Variants in LRMDA observed in about 807,000 individuals in gnomAD.
LRMDA encodes leucine rich melanocyte differentiation associated.
A neutral mutation model predicts 29.8 loss-of-function variants in LRMDA; 18 were observed. That is an observed-to-expected ratio of 0.60 (90% CI 0.42 to 0.90). The LOEUF (loss-of-function observed/expected upper bound fraction) is 0.90, where lower values mean the gene tolerates loss of function less well. Ranked by LOEUF, LRMDA falls within the 40% of genes least tolerant of loss-of-function variation. The pLI is 0.00. For missense variants in LRMDA, 273 were observed against 273.9 expected, an observed-to-expected ratio of 1.00 and a Z score of 0.02; for synonymous variants, 125 against 109.4, an observed-to-expected ratio of 1.14 and a Z score of -0.89.
intron 2 of LRMDA, among the ~76,000 whole-genome samples, chr10:75,961,995 C>T (rs983510431): frequency 3.3e-5 from 5 of 152,216 alleles, no homozygotes; most frequent in Middle Eastern, 3.4e-3. Flanking sequence ...GGCATCTCCC[C>T]GTGTGCATGT....
intron 2 of LRMDA, among the ~76,000 whole-genome samples, chr10:75,810,033 A>G (rs1411621610): frequency 6.6e-6 from 1 of 152,150 alleles, no homozygotes; most frequent in Admixed American, 6.5e-5. Flanking sequence ...GAGGAGTGAC[A>G]TTTGAGCTGA....
At chr10:76,178,790 T>A (rs372413802) in intron 5 of LRMDA, among the ~76,000 whole-genome samples, 1 of 152,240 alleles carries the variant, frequency 6.6e-6, no homozygotes, top group Non-Finnish European at 1.5e-5. Context: ...CGTATTCAAG[T>A]GGCAGCTTGT....
At chr10:75,590,209 G>C (rs1450221722) in intron 2 of LRMDA, among the ~76,000 whole-genome samples, 2 of 151,820 alleles carry the variant, frequency 1.3e-5, no homozygotes, top group Admixed American at 1.3e-4. Context: ...CTATAGGTGG[G>C]GGTCTCACTA....
At chr10:75,770,979 G>T (rs1440315256) in intron 2 of LRMDA, among the ~76,000 whole-genome samples, 3 of 152,194 alleles carry the variant, frequency 2.0e-5, no homozygotes, top group Non-Finnish European at 4.4e-5. Flanking sequence ...TGGGGCGAGT[G>T]TGTAGACGTG....
At chr10:75,795,550 T>C (rs2132256209) in intron 2 of LRMDA, among the ~76,000 whole-genome samples, 1 of 152,330 alleles carries the variant, frequency 6.6e-6, no homozygotes, top group East Asian at 1.9e-4. Flanking sequence ...GCCATGAATG[T>C]GTGGGTCTAT....
At chr10:76,188,714 G>A (rs764252765) in intron 5 of LRMDA, among the ~76,000 whole-genome samples, 6 of 152,264 alleles carry the variant, frequency 3.9e-5, no homozygotes, top group Non-Finnish European at 7.3e-5. Context: ...CTCTAGGGAG[G>A]ATGAGTGGAT....
chr10:75,482,558 A>G (rs140961935), intron 2 of LRMDA, among the ~76,000 whole-genome samples: 44 of 152,268 alleles, frequency 2.9e-4, no homozygotes, highest in African/African-American at 1.1e-3. Flanking sequence ...AGGTACGCCC[A>G]GGTCTGTTAC....
chr10:75,524,512 A>G (rs1053525921), intron 2 of LRMDA, among the ~76,000 whole-genome samples: 11 of 152,184 alleles, frequency 7.2e-5, no homozygotes, highest in South Asian at 2.1e-4. Context: ...CACCTAATAC[A>G]GTGCCTGGCA....
intron 2 of LRMDA, among the ~76,000 whole-genome samples, chr10:75,928,319 C>T (rs547201380): frequency 6.6e-6 from 1 of 150,858 alleles, no homozygotes; most frequent in South Asian, 2.1e-4. Flanking sequence ...AAGATTGCTA[C>T]AGTTATCTGG....
At chr10:75,561,824 C>T (rs1421220833) in intron 2 of LRMDA, among the ~76,000 whole-genome samples, 5 of 151,970 alleles carry the variant, frequency 3.3e-5, no homozygotes, top group African/African-American at 9.7e-5. Flanking sequence ...GTTCAGTTTC[C>T]ATGTAGTTGA....
At chr10:75,927,531 A>G (rs1256792695) in intron 2 of LRMDA, among the ~76,000 whole-genome samples, 7 of 152,144 alleles carry the variant, frequency 4.6e-5, no homozygotes, top group African/African-American at 1.4e-4. Flanking sequence ...CTTTCAACAG[A>G]ATCCAATTCC....
At chr10:76,393,802 T>C (rs913681131) in intron 6 of LRMDA, among the ~76,000 whole-genome samples, 9 of 152,184 alleles carry the variant, frequency 5.9e-5, no homozygotes, top group African/African-American at 2.2e-4. Context: ...AGGTCTTATG[T>C]TGAAGTCTTT....
At chr10:75,831,251 G>C (rs904561300) in intron 2 of LRMDA, among the ~76,000 whole-genome samples, 2 of 152,068 alleles carry the variant, frequency 1.3e-5, no homozygotes, top group African/African-American at 4.8e-5. Flanking sequence ...GTTTTACTGC[G>C]CTAACCAGGA....
chr10:76,159,142 A>G (rs1245666027), intron 5 of LRMDA, among the ~76,000 whole-genome samples: 1 of 152,206 alleles, frequency 6.6e-6, no homozygotes, highest in East Asian at 1.9e-4. Flanking sequence ...TTGGAAAAAT[A>G]TACCTTAAAG....
intron 2 of LRMDA, among the ~76,000 whole-genome samples, chr10:75,821,433 A>G (rs762132336): frequency 6.6e-6 from 1 of 152,232 alleles, no homozygotes; most frequent in Non-Finnish European, 1.5e-5. Flanking sequence ...ATATCAATAG[A>G]TGCAGAAAAA....
intron 6 of LRMDA, among the ~76,000 whole-genome samples, chr10:76,332,202 C>T (rs1187008424): frequency 6.6e-6 from 1 of 152,090 alleles, no homozygotes; most frequent in East Asian, 1.9e-4. Flanking sequence ...TCGCTGTCTG[C>T]GAGGGTGGCA....
At chr10:76,182,584 G>C (rs1413963687) in intron 5 of LRMDA, among the ~76,000 whole-genome samples, 1 of 152,080 alleles carries the variant, frequency 6.6e-6, no homozygotes, top group Non-Finnish European at 1.5e-5. Context: ...CTTGTCCCAT[G>C]GAAAATCCTG....
At chr10:76,121,097 C>T (rs1849777837) in intron 5 of LRMDA, among the ~76,000 whole-genome samples, 2 of 151,520 alleles carry the variant, frequency 1.3e-5, no homozygotes, top group South Asian at 4.2e-4. Context: ...TTCCTCACAC[C>T]ACCCGCACGT....
chr10:75,736,073 A>G (rs1328364308), intron 2 of LRMDA, among the ~76,000 whole-genome samples: 1 of 152,200 alleles, frequency 6.6e-6, no homozygotes, highest in Non-Finnish European at 1.5e-5. Flanking sequence ...CTCGTTTAGT[A>G]AATGACGGCA....
Sources: allele counts gnomAD v4.1 joint callset (sites outside exome capture counted in the v4.1 genomes callset), GRCh38; gene constraint gnomAD v4.1.1; transcripts MANE v1.5; gene names NCBI Gene and HGNC (gene_info 2026-07-23, HGNC 2026-07-21).